The following PTPRD variants were observed in gnomAD, a reference collection of about 807,000 sequenced individuals.
PTPRD encodes receptor-type tyrosine-protein phosphatase delta.
A neutral mutation model predicts 214.5 loss-of-function variants in PTPRD; 34 were observed. That is an observed-to-expected ratio of 0.16 (90% confidence interval 0.12 to 0.21). PTPRD has a LOEUF of 0.21. Ranked by LOEUF, PTPRD falls within the 10% of genes least tolerant of loss-of-function variation. The pLI is 1.00. For synonymous variants in PTPRD, 1,128 were observed against 845.7 expected (o/e 1.33, Z -5.79); for missense variants, 2,545 against 2,398.7 (o/e 1.06, Z -1.27).
At chr9:9,934,781 A>C (rs1432993845) in intron 5 of PTPRD, among the ~76,000 whole-genome samples, 15 of 151,942 alleles carry the variant, frequency 9.9e-5, no homozygotes, top group Non-Finnish European at 4.4e-5. Flanking sequence ...CAAAAAAGAG[A>C]ATTTTAGACC....
intron 35 of PTPRD, among the ~76,000 whole-genome samples, chr9:8,436,027 A>C (rs2095332853): frequency 6.6e-6 from 1 of 152,212 alleles, no homozygotes; most frequent in African/African-American, 2.4e-5. Context: ...TTCTTATCAC[A>C]AATCAGTGTA....
intron 10 of PTPRD, among the ~76,000 whole-genome samples, chr9:9,164,261 CT>C (rs1453175016): frequency 6.6e-6 from 1 of 152,076 alleles, no homozygotes; most frequent in East Asian, 1.9e-4. Flanking sequence ...TATTCTTTGG[CT>C]TGTGGTCCCT....
At chr9:9,830,443 G>C (rs1035429695) in intron 5 of PTPRD, among the ~76,000 whole-genome samples, 1 of 151,776 alleles carries the variant, frequency 6.6e-6, no homozygotes, top group Non-Finnish European at 1.5e-5. Context: ...CATAAAGTAT[G>C]ATCCTATTTT....
intron 8 of PTPRD, among the ~76,000 whole-genome samples, chr9:9,462,209 A>G (rs78301505): frequency 0.01 from 1,561 of 152,242 alleles, 9 homozygotes; most frequent in Middle Eastern, 0.017. Context: ...GTATTATATA[A>G]TTCTACCTTC....
At chr9:8,966,662 A>C (rs941023825) in intron 11 of PTPRD, among the ~76,000 whole-genome samples, 3 of 152,110 alleles carry the variant, frequency 2.0e-5, no homozygotes, top group African/African-American at 7.2e-5. Context: ...TCCTAGAAAA[A>C]AACCTAGGAA....
At chr9:9,679,446 A>T (rs955520727) in intron 7 of PTPRD, among the ~76,000 whole-genome samples, 5 of 151,952 alleles carry the variant, frequency 3.3e-5, no homozygotes, top group Admixed American at 1.3e-4. Context: ...TTTAAAAATA[A>T]ATTAGAGACC....
chr9:10,484,388 A>T (rs1923440), intron 2 of PTPRD, among the ~76,000 whole-genome samples: 1 of 151,910 alleles, frequency 6.6e-6, no homozygotes, highest in African/African-American at 2.4e-5. Context: ...AGACTTTACC[A>T]CTATACAATT....
At chr9:10,449,940 C>T (rs995427987) in intron 2 of PTPRD, among the ~76,000 whole-genome samples, 4 of 151,656 alleles carry the variant, frequency 2.6e-5, no homozygotes, top group Non-Finnish European at 5.9e-5. Flanking sequence ...TATAACCTTA[C>T]CCCCAACCCC....
At chr9:8,929,211 A>G (rs1324135176) in intron 11 of PTPRD, among the ~76,000 whole-genome samples, 1 of 152,130 alleles carries the variant, frequency 6.6e-6, no homozygotes, top group African/African-American at 2.4e-5. Context: ...CCTGGCCAGA[A>G]CTTCCAACAC....
intron 3 of PTPRD, among the ~76,000 whole-genome samples, chr9:10,336,088 G>T (rs150507355): frequency 1.3e-3 from 200 of 151,770 alleles, no homozygotes; most frequent in Admixed American, 8.6e-4. Context: ...GTGCTCCTTG[G>T]TATTTACCCC....
chr9:10,003,523 A>G (rs903619986), intron 4 of PTPRD, among the ~76,000 whole-genome samples: 4 of 151,746 alleles, frequency 2.6e-5, no homozygotes, highest in African/African-American at 9.7e-5. Flanking sequence ...AGATGGTATA[A>G]GAGATAGTGA....
chr9:10,234,272 A>G (rs1329855320), intron 3 of PTPRD, among the ~76,000 whole-genome samples: 4 of 151,852 alleles, frequency 2.6e-5, no homozygotes, highest in African/African-American at 9.7e-5. Context: ...ATCTTAAAAT[A>G]ACCATCTTAC....
intron 9 of PTPRD, among the ~76,000 whole-genome samples, chr9:9,286,624 C>G (rs550359193): frequency 6.6e-6 from 1 of 151,322 alleles, no homozygotes; most frequent in Non-Finnish European, 1.5e-5. Context: ...TCTATAGAAC[C>G]TTTCCTGATG....
intron 44 of PTPRD, among the ~76,000 whole-genome samples, chr9:8,328,366 G>A (rs1455911718): frequency 6.6e-6 from 1 of 152,168 alleles, no homozygotes; most frequent in East Asian, 1.9e-4. Context: ...CTGGCTTGTA[G>A]GGTTGCTGTC....
At chr9:9,811,711 A>C (rs780187068) in intron 5 of PTPRD, among the ~76,000 whole-genome samples, 1 of 152,154 alleles carries the variant, frequency 6.6e-6, no homozygotes, top group Non-Finnish European at 1.5e-5. Context: ...CATCTCAAAA[A>C]CAAAACAAAA....
intron 39 of PTPRD, among the ~76,000 whole-genome samples, chr9:8,355,478 G>C (rs921593002): frequency 6.6e-6 from 1 of 152,196 alleles, no homozygotes; most frequent in Non-Finnish European, 1.5e-5. Context: ...ATAAATAAGA[G>C]CTAGTATTAA....
intron 3 of PTPRD, among the ~76,000 whole-genome samples, chr9:10,057,416 T>C (rs1042323688): frequency 6.6e-6 from 1 of 152,122 alleles, no homozygotes; most frequent in Non-Finnish European, 1.5e-5. Context: ...ACAGCAGCAT[T>C]AGCTGTTTTG....
intron 9 of PTPRD, among the ~76,000 whole-genome samples, chr9:9,270,189 C>T (rs1188376739): frequency 6.6e-6 from 1 of 151,034 alleles, no homozygotes. Context: ...TCACGTTGCA[C>T]ACATTAAATA....
chr9:9,614,892 C>A (rs1392106898), intron 7 of PTPRD, among the ~76,000 whole-genome samples: 1 of 152,150 alleles, frequency 6.6e-6, no homozygotes, highest in African/African-American at 2.4e-5. Context: ...ATTGCCTCAG[C>A]TCCCAATGCA....
Sources: allele counts gnomAD v4.1 joint callset (sites outside exome capture counted in the v4.1 genomes callset), GRCh38; gene constraint gnomAD v4.1.1; transcripts MANE v1.5; gene names NCBI Gene and HGNC (gene_info 2026-07-23, HGNC 2026-07-21).